The following SPEF2 variants were observed in gnomAD, a reference collection of about 807,000 sequenced individuals.
The protein encoded by SPEF2 is sperm flagellar and cilia associated 2.
A neutral mutation model predicts 224.6 loss-of-function variants in SPEF2; 187 were observed. That is an observed-to-expected ratio of 0.83 (90% CI 0.74 to 0.94). The LOEUF (loss-of-function observed/expected upper bound fraction) is 0.94. Among genes scored for constraint, SPEF2 ranks in the 40% least tolerant of loss-of-function variants. The pLI is 0.00. For missense variants in SPEF2, 2,170 were observed against 2,135.6 expected (o/e 1.02, Z -0.32); for synonymous variants, 715 against 707.3 (o/e 1.01, Z -0.17).
chr5:35,739,808 T>A, intron 21 of SPEF2, 111 bp from the exon 22 acceptor site: 1 of 1,210,330 alleles, frequency 8.3e-7, no homozygotes, highest in Non-Finnish European at 1.2e-6. Context: ...GAATGCTTTA[T>A]GTAGTTGCAG....
intron 20 of SPEF2, among the ~76,000 whole-genome samples, chr5:35,721,618 C>T (rs1020070074): frequency 2.0e-5 from 3 of 152,124 alleles, no homozygotes; most frequent in South Asian, 2.1e-4. Context: ...ATTAAAGTCA[C>T]GTGAAGTGAA....
At chr5:35,711,332 G>T (rs1741076911) in intron 19 of SPEF2, among the ~76,000 whole-genome samples, 1 of 124,744 alleles carries the variant, frequency 8.0e-6, no homozygotes, top group South Asian at 2.7e-4. Context: ...TTGTTATTTT[G>T]TTATTTTGTT....
Position 35,667,392 on chromosome 5 carries a change from A to G in SPEF2, c.1355+133A>G, listed in dbSNP as rs1750630851. ...ATGAAAAGACTAAAAGGTGGGGTCC[A>G]GGAGACCTTGATTACTGACTTGATT... On this transcript the variant is annotated intron_variant, in intron 9 of 36. Transcript: ENST00000356031. The G allele has an allele frequency of 7.7e-6, 6 of 778,312 alleles. No homozygotes were observed. The South Asian group carries it at 1.4e-4, about 18-fold the overall frequency. 48.2% of individuals were successfully genotyped at this position (778,312 alleles called of 1,614,324 possible).
intron 2 of SPEF2, among the ~76,000 whole-genome samples, chr5:35,633,393 T>C (rs1370046646): frequency 6.6e-6 from 1 of 152,106 alleles, no homozygotes; most frequent in Non-Finnish European, 1.5e-5. Flanking sequence ...AATATTCTTA[T>C]TATCAAGTAA....
At position 35,740,027 on chromosome 5, in the gene SPEF2, G is replaced by C. The variant is rs1311344659; in HGVS notation, c.3172G>C (p.Ala1058Pro). ...GAGGGAAGACCAGCATACTGTGCTT[G>C]CTTACTTATATGAGATTAGGTAAGT... ...HLREDQHTVL[A>P]YLYEIRTSFQ... is the part of the protein sequence containing the mutation. The change falls in exon 22 of 37, where the codon GCT (alanine) becomes CCT (proline). Residue 1058 changes from alanine (A) to proline (P), a missense_variant. Coordinates refer to ENST00000356031, the MANE Select transcript of SPEF2 (RefSeq NM_024867.4). The C allele has an allele frequency of 3.1e-6, 5 of 1,614,006 alleles. No individual in the cohort carries two copies. In the Admixed American group the frequency reaches 5.0e-5, roughly 16 times the overall value.
intron 4 of SPEF2, among the ~76,000 whole-genome samples, chr5:35,645,892 G>T (rs188720575): frequency 1.3e-5 from 2 of 152,068 alleles, no homozygotes; most frequent in Non-Finnish European, 2.9e-5. Context: ...TGTCTATAAT[G>T]TATGCCTTTT....
chr5:35,735,142 C>T, intron 21 of SPEF2, among the ~76,000 whole-genome samples: 1 of 152,182 alleles, frequency 6.6e-6, no homozygotes, highest in East Asian at 1.9e-4. Flanking sequence ...CTAAAGCCAG[C>T]AACTCTGCCT....
intron 19 of SPEF2, chr5:35,710,932 CGA>C (rs1740987117): frequency 2.1e-5 from 20 of 969,184 alleles, no homozygotes; most frequent in South Asian, 4.8e-5. Context: ...AGGTTAATCT[CGA>C]GAGTCTTAAT....
At chr5:35,800,183 C>G (rs1460632661) in intron 34 of SPEF2, 36 bp downstream of exon 34, 1 of 1,595,924 alleles carries the variant, frequency 6.3e-7, no homozygotes, top group African/African-American at 1.4e-5. Context: ...ACTATAGAGT[C>G]TAGAGGGGAT....
At chr5:35,763,805 C>G in intron 26 of SPEF2, 103 bp downstream of exon 26, 3 of 1,067,276 alleles carry the variant, frequency 2.8e-6, no homozygotes, top group Non-Finnish European at 2.6e-6. Context: ...CTCTCAAGCA[C>G]TGTAGAAAAT....
chr5:35,790,729 A>G (rs1755833561), intron 30 of SPEF2: 2 of 164,034 alleles, frequency 1.2e-5, no homozygotes, highest in African/African-American at 2.4e-5. Context: ...CATACAATTC[A>G]TTATTTTTCC....
intron 26 of SPEF2, chr5:35,764,497 C>T (rs1180218539): frequency 2.2e-6 from 1 of 448,226 alleles, no homozygotes; most frequent in Non-Finnish European, 4.5e-6. Context: ...AAGATACACA[C>T]AGAATTTAAC....
At chr5:35,693,308 G>T (rs750797108) in intron 12 of SPEF2, among the ~76,000 whole-genome samples, 15 of 152,256 alleles carry the variant, frequency 9.9e-5, no homozygotes, top group Non-Finnish European at 2.1e-4. Flanking sequence ...TCCTGTCTTT[G>T]TCTCCAGTCT....
chr5:35,665,793 A>C (rs1248006066), intron 8 of SPEF2, among the ~76,000 whole-genome samples: 1 of 152,170 alleles, frequency 6.6e-6, no homozygotes, highest in African/African-American at 2.4e-5. Context: ...ACAGAATAAT[A>C]CAAGAATAAC....
chr5:35,625,702 G>T (rs990310779), intron 1 of SPEF2, among the ~76,000 whole-genome samples: 2 of 152,164 alleles, frequency 1.3e-5, no homozygotes, highest in South Asian at 4.1e-4. Flanking sequence ...AGGGAGGAGA[G>T]AAGGGAAGAG....
intron 24 of SPEF2, 40 bp downstream of exon 24, chr5:35,753,801 C>T: frequency 6.2e-7 from 1 of 1,612,174 alleles, no homozygotes; most frequent in Non-Finnish European, 8.5e-7. Flanking sequence ...CACTTCCCTT[C>T]ACAGCCTCAT....
chr5:35,694,252 G>T, intron 12 of SPEF2, 36 bp from the exon 13 acceptor site: 1 of 1,559,188 alleles, frequency 6.4e-7, no homozygotes, highest in Non-Finnish European at 8.8e-7. Flanking sequence ...TATAGCAATG[G>T]TAAAATCCCT....
intron 24 of SPEF2, 31 bp downstream of exon 24, chr5:35,753,792 ACTTCC>A: frequency 6.2e-7 from 1 of 1,612,960 alleles, no homozygotes; most frequent in Non-Finnish European, 8.5e-7. Flanking sequence ...TAACCCAGGC[ACTTCC>A]CTTCACAGCC....
At chr5:35,732,964 G>A (rs1745885343) in intron 21 of SPEF2, among the ~76,000 whole-genome samples, 1 of 152,082 alleles carries the variant, frequency 6.6e-6, no homozygotes, top group South Asian at 2.1e-4. Flanking sequence ...TTATATCATA[G>A]GAATGTATGC....
Sources: allele counts gnomAD v4.1 joint callset (sites outside exome capture counted in the v4.1 genomes callset), GRCh38; gene constraint gnomAD v4.1.1; transcripts MANE v1.5; gene names NCBI Gene and HGNC (gene_info 2026-07-23, HGNC 2026-07-21).